MAN2A1: variants seen among roughly 807,000 people sequenced by gnomAD.
The protein encoded by MAN2A1 is alpha-mannosidase 2.
In MAN2A1, 76 loss-of-function variants were observed where a neutral mutation model predicts 142.6. The ratio of observed to expected loss-of-function variants is 0.53; its 90% CI spans 0.44 to 0.65. The LOEUF (loss-of-function observed/expected upper bound fraction) is 0.65. Ranked by LOEUF, MAN2A1 falls within the 30% of genes least tolerant of loss-of-function variation. MAN2A1 has a pLI of 0.00. For missense variants in MAN2A1, 1,311 were observed against 1,365.1 expected, an observed-to-expected ratio of 0.96 and a Z score of 0.62; for synonymous variants, 559 against 473.2, an observed-to-expected ratio of 1.18 and a Z score of -2.35.
chr5:109,715,895 A>T (rs1582817467), intron 2 of MAN2A1, among the ~76,000 whole-genome samples: 1 of 151,978 alleles, frequency 6.6e-6, no homozygotes, highest in Non-Finnish European at 1.5e-5. Context: ...TTAGAAGCGG[A>T]TGGGAGGGAT....
chr5:109,780,174 C>T (rs1753416501), intron 8 of MAN2A1, among the ~76,000 whole-genome samples: 1 of 152,122 alleles, frequency 6.6e-6, no homozygotes, highest in South Asian at 2.1e-4. Flanking sequence ...TCTCCTGCCT[C>T]AGCCTCCCGA....
chr5:109,793,119 T>C (rs190343268), intron 12 of MAN2A1, among the ~76,000 whole-genome samples: 29 of 152,208 alleles, frequency 1.9e-4, no homozygotes, highest in African/African-American at 6.7e-4. Context: ...GGAGACTAGC[T>C]ATCACAGTTC....
intron 16 of MAN2A1, among the ~76,000 whole-genome samples, chr5:109,824,130 GT>G (rs1754700420): frequency 6.6e-6 from 1 of 152,078 alleles, no homozygotes; most frequent in Non-Finnish European, 1.5e-5. Flanking sequence ...ACAATACAGT[GT>G]TTTGATTTTA....
intron 12 of MAN2A1, among the ~76,000 whole-genome samples, chr5:109,798,105 T>C (rs1753912370): frequency 6.6e-6 from 1 of 152,222 alleles, no homozygotes. Flanking sequence ...TAAATCATTA[T>C]TGTCAATTTT....
At chr5:109,695,514 G>A (rs911533332) in intron 1 of MAN2A1, among the ~76,000 whole-genome samples, 2 of 152,184 alleles carry the variant, frequency 1.3e-5, no homozygotes, top group Non-Finnish European at 2.9e-5. Flanking sequence ...TTCACTAGCT[G>A]TTGCTGATCA....
intron 6 of MAN2A1, 54 bp downstream of exon 6, chr5:109,767,762 A>G (rs1418973802): frequency 2.7e-6 from 4 of 1,483,044 alleles, no homozygotes; most frequent in East Asian, 4.5e-5. Context: ...CTATTTCACA[A>G]GGGTTATGAA....
At chr5:109,733,163 T>C (rs1422845711) in intron 4 of MAN2A1, among the ~76,000 whole-genome samples, 1 of 152,158 alleles carries the variant, frequency 6.6e-6, no homozygotes, top group Non-Finnish European at 1.5e-5. Flanking sequence ...GGCTCTCTGT[T>C]TGTCTGTTAT....
At position 109,690,368 on chromosome 5, in the gene MAN2A1, T is replaced by C; in HGVS notation, c.-50T>C. The C allele has an allele frequency of 5.0e-6, 8 of 1,605,916 alleles. No individual in the cohort carries two copies. Among genetic ancestry groups the C allele is most frequent in the Non-Finnish European group, 6.0e-6 (7 of 1,172,670 alleles). On this transcript the variant is annotated 5_prime_UTR_variant, in exon 1 of 22. Coordinates refer to ENST00000261483, the MANE Select transcript of MAN2A1 (RefSeq NM_002372.4). Reference sequence around the variant, plus strand: ...CTGCTTCCTAGAGTCCACAGTGCGCTGTCTCCTTTGGCTGAGGAGAGTGTC... The same window carrying C: ...CTGCTTCCTAGAGTCCACAGTGCGCCGTCTCCTTTGGCTGAGGAGAGTGTC...
At chr5:109,735,194 C>T (rs1360330726) in intron 4 of MAN2A1, among the ~76,000 whole-genome samples, 2 of 151,960 alleles carry the variant, frequency 1.3e-5, no homozygotes, top group Non-Finnish European at 2.9e-5. Flanking sequence ...AGGATTGCAA[C>T]CCCTGCCTTT....
chr5:109,711,345 G>A (rs761111973), intron 1 of MAN2A1, among the ~76,000 whole-genome samples: 71 of 152,290 alleles, frequency 4.7e-4, no homozygotes, highest in Middle Eastern at 3.4e-3. Flanking sequence ...GATTTCAAAA[G>A]CTGCAGTCTG....
intron 12 of MAN2A1, among the ~76,000 whole-genome samples, chr5:109,790,597 T>C (rs1753713336): frequency 6.6e-6 from 1 of 152,042 alleles, no homozygotes; most frequent in African/African-American, 2.4e-5. Context: ...TCTTATAAAA[T>C]TACAAAATGT....
intron 4 of MAN2A1, among the ~76,000 whole-genome samples, chr5:109,753,926 T>C (rs914412767): frequency 2.0e-5 from 3 of 151,848 alleles, no homozygotes; most frequent in African/African-American, 7.3e-5. Flanking sequence ...TTTTTTTTTT[T>C]GACACAATGT....
At chr5:109,720,456 TA>T (rs1200881477) in intron 3 of MAN2A1, among the ~76,000 whole-genome samples, 2 of 152,120 alleles carry the variant, frequency 1.3e-5, no homozygotes, top group African/African-American at 4.8e-5. Flanking sequence ...AAAAAGTTTG[TA>T]AAAAAAGAAT....
chr5:109,814,023 C>T (rs77569304), intron 12 of MAN2A1, among the ~76,000 whole-genome samples: 3,218 of 152,168 alleles, frequency 0.021, 114 homozygotes, highest in African/African-American at 0.073. Flanking sequence ...GATAATTGCT[C>T]ATAACCCTGA....
intron 4 of MAN2A1, among the ~76,000 whole-genome samples, chr5:109,753,302 A>C (rs1752597265): frequency 6.6e-6 from 1 of 152,236 alleles, no homozygotes; most frequent in Admixed American, 6.5e-5. Context: ...AGATAAGAAA[A>C]AGAACTAATT....
rs988053649 is a variant in MAN2A1 at position 109,857,239 on chromosome 5, G to C, written c.3171+1905G>C. 2.0e-5 allele frequency among the ~76,000 whole-genome samples: 3 copies of C among 152,244 alleles called. No individual in the cohort carries two copies. In the South Asian group the frequency reaches 6.2e-4, roughly 31 times the overall value. ...TTATTCATGGCTATATCCCCGTGAAGAAGAGTGTCTGCACATAGGATCTCA... is the reference window on the plus strand; with the variant it reads ...TTATTCATGGCTATATCCCCGTGAACAAGAGTGTCTGCACATAGGATCTCA... On this transcript the variant is annotated intron_variant, in intron 20 of 21. Transcript: ENST00000261483.
chr5:109,716,289 A>T (rs1237065713), intron 3 of MAN2A1, 25 bp downstream of exon 3: 1 of 1,583,978 alleles, frequency 6.3e-7, no homozygotes, highest in Non-Finnish European at 8.6e-7. Flanking sequence ...TCAAAAAGAC[A>T]GGAGGTTATT....
At chr5:109,858,569 A>G (rs1300158863) in intron 20 of MAN2A1, among the ~76,000 whole-genome samples, 1 of 152,222 alleles carries the variant, frequency 6.6e-6, no homozygotes, top group African/African-American at 2.4e-5. Flanking sequence ...TGGAGAATGC[A>G]ACTCATTTTT....
intron 4 of MAN2A1, among the ~76,000 whole-genome samples, chr5:109,737,995 T>C (rs991918333): frequency 5.3e-5 from 8 of 152,182 alleles, no homozygotes; most frequent in Admixed American, 2.0e-4. Context: ...GTTTGAGGTG[T>C]GTGCGTGTGC....
Sources: allele counts gnomAD v4.1 joint callset (sites outside exome capture counted in the v4.1 genomes callset), GRCh38; gene constraint gnomAD v4.1.1; transcripts MANE v1.5; gene names NCBI Gene and HGNC (gene_info 2026-07-23, HGNC 2026-07-21).